Variants in FUT8 observed in about 807,000 individuals in gnomAD.
The protein encoded by FUT8 is fucosyltransferase 8.
A neutral mutation model predicts 71.3 loss-of-function variants in FUT8; 29 were observed. That is an observed-to-expected ratio of 0.41 (90% confidence interval 0.30 to 0.55). FUT8 has a LOEUF of 0.55. Ranked by LOEUF, FUT8 falls within the 20% of genes least tolerant of loss-of-function variation. The pLI is 0.34. For synonymous variants in FUT8, 254 were observed against 239.3 expected (o/e 1.06, Z -0.57); for missense variants, 544 against 702.1 (o/e 0.77, Z 2.55).
chr14:65,614,595 T>C (rs771770901), intron 3 of FUT8, among the ~76,000 whole-genome samples: 7 of 152,234 alleles, frequency 4.6e-5, no homozygotes, highest in Non-Finnish European at 1.0e-4. Flanking sequence ...TTTTTGTTTG[T>C]TCGTTCGTTT....
chr14:65,427,357 A>G (rs74998509), intron 1 of FUT8, among the ~76,000 whole-genome samples: 1,907 of 152,274 alleles, frequency 0.013, 23 homozygotes, highest in Non-Finnish European at 0.021. Flanking sequence ...TAATATTTTG[A>G]GGAACCTCCA....
Position 65,700,381 on chromosome 14 carries a change from G to GTTTT in FUT8, c.836-21370_836-21367dup, listed in dbSNP as rs763718984. Among the ~76,000 whole-genome samples, 55 of 48,880 alleles carry GTTTT rather than the reference G, an allele frequency of 1.1e-3. 13 individuals carry two copies. The highest frequency in any genetic ancestry group is 1.9e-3 in the African/African-American group (22 of 11,838). 32.1% of individuals were successfully genotyped at this position (48,880 alleles called of 152,430 possible). The stretch of plus-strand genomic sequence containing the variant: ...AAACTACTTTCTTTTCTTTCTTTCT[G>GTTTT]TTTTTTTTTTTTTTTTTTTTTTTTT... On this transcript the variant is annotated intron_variant, in intron 7 of 10. Transcript: ENST00000673929.
At chr14:65,460,804 G>A (rs79644409) in intron 2 of FUT8, among the ~76,000 whole-genome samples, 3,713 of 152,262 alleles carry the variant, frequency 0.024, 141 homozygotes, top group African/African-American at 0.085. Context: ...GCTTGATTAG[G>A]ATTGGGTAGG....
intron 7 of FUT8, among the ~76,000 whole-genome samples, chr14:65,715,133 A>G (rs1449054935): frequency 6.6e-6 from 1 of 152,232 alleles, no homozygotes; most frequent in Non-Finnish European, 1.5e-5. Context: ...CAGTGGTGAC[A>G]GAGAGCATCT....
rs562110050 is a variant in FUT8, at chr14:65,573,344, C to A, written c.203+11578C>A. On this transcript the variant is annotated intron_variant, in intron 3 of 10. Coordinates refer to ENST00000673929, the MANE Select transcript of FUT8 (RefSeq NM_001371533.1). ...CTTTCCTCATTCATATTAATATATTCATATATAATACCAAAATCACCACCA... is the reference window on the plus strand; with the variant it reads ...CTTTCCTCATTCATATTAATATATTAATATATAATACCAAAATCACCACCA... Among the ~76,000 whole-genome samples the A allele has an allele frequency of 9.9e-5, 15 of 151,656 alleles. 1 individual carries two copies. Among genetic ancestry groups the A allele is most frequent in the Middle Eastern group, 3.4e-3 (1 of 294 alleles).
At chr14:65,655,393 A>G (rs942476760) in intron 6 of FUT8, among the ~76,000 whole-genome samples, 1 of 150,892 alleles carries the variant, frequency 6.6e-6, no homozygotes, top group Admixed American at 6.6e-5. Context: ...GGAGAATGGC[A>G]TGAACCTGGG....
chr14:65,677,046 AG>A (rs1220855686), intron 7 of FUT8, among the ~76,000 whole-genome samples: 1 of 151,570 alleles, frequency 6.6e-6, no homozygotes, highest in African/African-American at 2.4e-5. Flanking sequence ...TCCCTCCAAA[AG>A]GTTGTTACTC....
chr14:65,700,583 T>C (rs1894242141), intron 7 of FUT8, among the ~76,000 whole-genome samples: 3 of 151,904 alleles, frequency 2.0e-5, no homozygotes, highest in Non-Finnish European at 4.4e-5. Flanking sequence ...TTGTTTTTAG[T>C]AGAGACGGGG....
chr14:65,437,468 A>C (rs1020568807), intron 1 of FUT8, among the ~76,000 whole-genome samples: 2 of 152,166 alleles, frequency 1.3e-5, no homozygotes, highest in Non-Finnish European at 2.9e-5. Context: ...AAAGGTCTTA[A>C]TTTGGTCTTA....
intron 2 of FUT8, among the ~76,000 whole-genome samples, chr14:65,557,428 G>C (rs2140028104): frequency 6.6e-6 from 1 of 151,334 alleles, no homozygotes; most frequent in East Asian, 1.9e-4. Flanking sequence ...CACCTTCCAG[G>C]TTCAAGGAAT....
At chr14:65,722,863 G>A (rs768224540) in intron 8 of FUT8, among the ~76,000 whole-genome samples, 1 of 152,054 alleles carries the variant, frequency 6.6e-6, no homozygotes, top group Non-Finnish European at 1.5e-5. Flanking sequence ...ATAAAAAACT[G>A]GCCTTAAGTT....
intron 2 of FUT8, among the ~76,000 whole-genome samples, chr14:65,510,746 C>T (rs918987985): frequency 7.2e-5 from 11 of 152,042 alleles, no homozygotes; most frequent in Non-Finnish European, 1.0e-4. Context: ...AATGATTCTT[C>T]GGATTTCTGT....
chr14:65,620,601 C>A (rs749149405), intron 5 of FUT8, among the ~76,000 whole-genome samples: 23 of 151,962 alleles, frequency 1.5e-4, no homozygotes, highest in Admixed American at 4.6e-4. Context: ...ATTGATATTC[C>A]CACTCTTGAA....
intron 5 of FUT8, among the ~76,000 whole-genome samples, chr14:65,618,017 A>ATATG (rs2140230848): frequency 2.0e-5 from 1 of 49,802 alleles, no homozygotes; most frequent in African/African-American, 1.2e-4. Flanking sequence ...ATTCATATAT[A>ATATG]TATATATATA....
chr14:65,637,661 C>G (rs1890628943), intron 6 of FUT8, among the ~76,000 whole-genome samples: 1 of 151,950 alleles, frequency 6.6e-6, no homozygotes, highest in Non-Finnish European at 1.5e-5. Flanking sequence ...GTCCCTAGCT[C>G]AGCTAGGTCT....
chr14:65,424,229 T>C (rs1011451381), intron 1 of FUT8, among the ~76,000 whole-genome samples: 1 of 152,218 alleles, frequency 6.6e-6, no homozygotes, highest in African/African-American at 2.4e-5. Context: ...TAAGCAAATA[T>C]TCACTCTTGA....
the FUT8 span, among the ~76,000 whole-genome samples, chr14:65,378,294 ATCT>A: frequency 6.6e-6 from 1 of 152,176 alleles, no homozygotes. Context: ...TTTCAAGCAA[ATCT>A]TCTTTAACCC....
chr14:65,728,019 C>T (rs1265125753), intron 9 of FUT8, among the ~76,000 whole-genome samples: 1 of 152,190 alleles, frequency 6.6e-6, no homozygotes, highest in African/African-American at 2.4e-5. Context: ...ACAAGTTCCT[C>T]ATCTCCATCT....
At chr14:65,540,429 C>A (rs1193413475) in intron 2 of FUT8, among the ~76,000 whole-genome samples, 1 of 152,136 alleles carries the variant, frequency 6.6e-6, no homozygotes, top group South Asian at 2.1e-4. Context: ...CAGTTTTCTT[C>A]CACTTTATTG....
Sources: allele counts gnomAD v4.1 joint callset (sites outside exome capture counted in the v4.1 genomes callset), GRCh38; gene constraint gnomAD v4.1.1; transcripts MANE v1.5; gene names NCBI Gene and HGNC (gene_info 2026-07-23, HGNC 2026-07-21).